The following DNAH8 variants were observed in gnomAD, a reference collection of about 807,000 sequenced individuals.
DNAH8 encodes the protein dynein axonemal heavy chain 8.
In DNAH8, 382 loss-of-function variants were observed where a neutral mutation model predicts 562.1. The ratio of observed to expected loss-of-function variants is 0.68; its 90% CI spans 0.63 to 0.74. DNAH8 has a LOEUF of 0.74. Among genes scored for constraint, DNAH8 ranks in the 30% least tolerant of loss-of-function variants. The probability of loss-of-function intolerance (pLI) is 0.00; values close to 1 mark genes in which losing one functional copy is unlikely to be tolerated. For synonymous variants in DNAH8, 1,881 were observed against 1,919.4 expected (o/e 0.98, Z 0.52); for missense variants, 5,203 against 5,620.4 (o/e 0.93, Z 2.37).
chr6:38,733,780 G>A (rs866807643), intron 4 of DNAH8, among the ~76,000 whole-genome samples: 10 of 151,764 alleles, frequency 6.6e-5, no homozygotes, highest in African/African-American at 9.7e-5. Flanking sequence ...GCATGATGGC[G>A]CGTGCTTGTA....
At chr6:38,749,488 T>C (rs1465795052) in intron 8 of DNAH8, among the ~76,000 whole-genome samples, 2 of 147,942 alleles carry the variant, frequency 1.4e-5, no homozygotes, top group African/African-American at 2.5e-5. Context: ...ACATATATAC[T>C]ATGTAACAAA....
At chr6:38,803,040 T>G in intron 21 of DNAH8, 139 bp from the exon 22 acceptor site, 1 of 578,748 alleles carries the variant, frequency 1.7e-6, no homozygotes, top group Non-Finnish European at 2.9e-6. Context: ...ATCTGAAGCA[T>G]TATGCCATTT....
chr6:38,897,425 C>T (rs991283938), intron 60 of DNAH8, among the ~76,000 whole-genome samples: 1 of 152,122 alleles, frequency 6.6e-6, no homozygotes. Context: ...TGCCAACAAT[C>T]ACAAGACAGA....
intron 44 of DNAH8, 126 bp from the exon 45 acceptor site, chr6:38,863,747 C>G: frequency 1.5e-6 from 1 of 674,756 alleles, no homozygotes; most frequent in Admixed American, 3.3e-5. Flanking sequence ...TTATCAACAG[C>G]CAGATATGAA....
At chr6:38,772,852 GT>G (rs60394975) in intron 12 of DNAH8, among the ~76,000 whole-genome samples, 18,603 of 151,236 alleles carry the variant, frequency 0.12, 1,391 homozygotes, top group Admixed American at 0.22. Flanking sequence ...ATGGGGTCCT[GT>G]TTGTGTTACT....
intron 4 of DNAH8, among the ~76,000 whole-genome samples, chr6:38,733,136 C>T (rs1400861630): frequency 6.6e-6 from 1 of 152,180 alleles, no homozygotes; most frequent in Non-Finnish European, 1.5e-5. Flanking sequence ...AAGCAATCCT[C>T]CTGCCTTAGC....
At position 38,807,658 on chromosome 6, in the gene DNAH8, C is replaced by T. The variant is rs750421296; in HGVS notation, c.3199C>T (p.Leu1067Phe). The change falls in exon 24 of 93, where the codon CTT becomes TTT. Residue 1067 changes from leucine to phenylalanine, a missense_variant. By Grantham distance (22) the Leu-to-Phe change is conservative. Around this residue, in one of 6 missense-constraint regions of DNAH8, gnomAD observed 2,176 missense variants for 2,365.1 expected, o/e 0.92. Transcript: ENST00000327475. ...AFFSHQLLDS[L>F]QKATRLSLDT... ...TTTCTCTCATCAATTACTAGACAGT[C>T]TTCAAAAAGCTACACGGTTATCTCT... 1.3e-6 allele frequency: 2 copies of T among 1,566,128 alleles called. No individual in the cohort carries two copies. Among genetic ancestry groups the T allele is most frequent in the Non-Finnish European group, 1.7e-6 (2 of 1,159,890 alleles).
At chr6:38,947,946 C>T (rs1205784547) in intron 80 of DNAH8, among the ~76,000 whole-genome samples, 1 of 152,114 alleles carries the variant, frequency 6.6e-6, no homozygotes, top group Non-Finnish European at 1.5e-5. Context: ...CGGAGTTCCA[C>T]CGTGTTGCCC....
At chr6:38,979,901 T>A (rs1763916544) in intron 85 of DNAH8, among the ~76,000 whole-genome samples, 1 of 152,316 alleles carries the variant, frequency 6.6e-6, no homozygotes, top group East Asian at 1.9e-4. Context: ...GATCCTCTTT[T>A]TCAAAAATGG....
At chr6:38,741,954 A>G in intron 8 of DNAH8, 67 bp downstream of exon 8, 2 of 1,369,506 alleles carry the variant, frequency 1.5e-6, no homozygotes. Flanking sequence ...ATCCTATTGA[A>G]CTACTTCTTA....
At chr6:38,848,088 G>C (rs1236710725) in intron 36 of DNAH8, among the ~76,000 whole-genome samples, 1 of 152,182 alleles carries the variant, frequency 6.6e-6, no homozygotes, top group Non-Finnish European at 1.5e-5. Context: ...ATCTTCTCCA[G>C]GTGAACCTGG....
chr6:38,917,554 A>G, intron 69 of DNAH8, 148 bp downstream of exon 69: 1 of 711,252 alleles, frequency 1.4e-6, no homozygotes, highest in Non-Finnish European at 2.3e-6. Context: ...CTAAAATGTA[A>G]AGAGGGATAG....
At chr6:38,715,776 G>T (rs12530344) in intron 1 of DNAH8, among the ~76,000 whole-genome samples, 6,236 of 149,430 alleles carry the variant, frequency 0.042, 327 homozygotes, top group East Asian at 0.16. Flanking sequence ...AGGGTGGGAG[G>T]GGGGTGAGGG....
intron 88 of DNAH8, among the ~76,000 whole-genome samples, chr6:38,992,490 A>T (rs138774978): frequency 6.6e-6 from 1 of 152,356 alleles, no homozygotes; most frequent in East Asian, 1.9e-4. Flanking sequence ...GAAAGATCCC[A>T]CAAGTTCACG....
chr6:38,898,381 G>A lies in DNAH8; in HGVS notation c.9063+1G>A, dbSNP rs1011434577. 1.3e-6 allele frequency: 2 copies of A among 1,555,604 alleles called. No homozygotes were observed. Among genetic ancestry groups the A allele is most frequent in the South Asian group, 1.3e-5 (1 of 79,472 alleles). On this transcript the variant is annotated splice_donor_variant, in intron 61 of 92. Transcript: ENST00000327475. LOFTEE classifies it high-confidence loss of function. ...AGATGCAATGACTCATCTTATTAAGGTCCTAACTATTGCCTATTTACTGAT... is the reference window on the plus strand; with the variant it reads ...AGATGCAATGACTCATCTTATTAAGATCCTAACTATTGCCTATTTACTGAT...
At chr6:38,957,453 G>A (rs1334935460) in intron 82 of DNAH8, among the ~76,000 whole-genome samples, 2 of 151,520 alleles carry the variant, frequency 1.3e-5, no homozygotes, top group Non-Finnish European at 2.9e-5. Flanking sequence ...AAACATTAGA[G>A]TTAAACCATA....
chr6:39,003,474 AAAC>A (rs1475871610), intron 88 of DNAH8, among the ~76,000 whole-genome samples: 5 of 152,228 alleles, frequency 3.3e-5, no homozygotes, highest in African/African-American at 1.2e-4. Context: ...TGAGAAGCAT[AAAC>A]AATAGAGAAA....
intron 53 of DNAH8, among the ~76,000 whole-genome samples, chr6:38,881,073 C>A (rs1381534522): frequency 1.3e-5 from 2 of 152,114 alleles, no homozygotes; most frequent in Non-Finnish European, 2.9e-5. Context: ...CATCACATAG[C>A]CACTGGAATG....
At chr6:38,752,217 G>A (rs1443956032) in intron 9 of DNAH8, among the ~76,000 whole-genome samples, 1 of 151,090 alleles carries the variant, frequency 6.6e-6, no homozygotes, top group East Asian at 1.9e-4. Context: ...AGGCTGGAGT[G>A]CAGTGGTGCT....
Sources: gnomAD v4.1 joint callset for allele counts (sites outside exome capture counted in the v4.1 genomes callset) on GRCh38, gnomAD v4.1.1 for gene constraint, gnomAD v4.1.1 regional missense constraint, MANE v1.5 for transcripts, NCBI Gene and HGNC (gene_info 2026-07-23, HGNC 2026-07-21) for gene names.